Variants in SLC2A13 observed in about 807,000 individuals in gnomAD.
SLC2A13 encodes the protein proton myo-inositol cotransporter.
SLC2A13 carries 32 observed loss-of-function variants against 64.4 expected under a neutral mutation model. The ratio of observed to expected loss-of-function variants is 0.50; its 90% CI spans 0.37 to 0.67. SLC2A13 has a LOEUF of 0.67. Among genes scored for constraint, SLC2A13 ranks in the 30% least tolerant of loss-of-function variants. The pLI is 0.00. For missense variants in SLC2A13, 743 were observed against 829.2 expected (o/e 0.90, Z 1.28); for synonymous variants, 338 against 327.1 (o/e 1.03, Z -0.36).
chr12:39,813,381 C>G (rs1942247762), intron 7 of SLC2A13, among the ~76,000 whole-genome samples: 1 of 152,040 alleles, frequency 6.6e-6, no homozygotes, highest in Non-Finnish European at 1.5e-5. Flanking sequence ...CCATAACAAA[C>G]TTTCAACAAC....
chr12:40,068,963 T>C (rs1257414182), intron 1 of SLC2A13, among the ~76,000 whole-genome samples: 2 of 151,902 alleles, frequency 1.3e-5, no homozygotes, highest in East Asian at 3.9e-4. Flanking sequence ...TTGTAAGAAA[T>C]GTGGCCACTG....
chr12:39,856,989 AT>A (rs1327627983), intron 6 of SLC2A13, among the ~76,000 whole-genome samples: 2 of 152,106 alleles, frequency 1.3e-5, no homozygotes, highest in South Asian at 4.1e-4. Context: ...TGGATAGTTT[AT>A]TTCATTTGTT....
At chr12:39,770,177 T>C (rs1219758217) in intron 7 of SLC2A13, among the ~76,000 whole-genome samples, 2 of 152,096 alleles carry the variant, frequency 1.3e-5, no homozygotes, top group African/African-American at 4.8e-5. Flanking sequence ...TCTCTCATAA[T>C]CATCTCATCT....
chr12:39,895,529 TATATA>T (rs1443305807), intron 4 of SLC2A13, among the ~76,000 whole-genome samples: 1 of 94,418 alleles, frequency 1.1e-5, no homozygotes, highest in Non-Finnish European at 2.2e-5. Context: ...TATATATATA[TATATA>T]TATATATATA....
intron 4 of SLC2A13, among the ~76,000 whole-genome samples, chr12:39,935,514 G>A (rs1945903186): frequency 6.6e-6 from 1 of 152,188 alleles, no homozygotes; most frequent in Admixed American, 6.5e-5. Flanking sequence ...AAACAAAACA[G>A]TCAGTAGTAA....
rs542877678 is a variant in SLC2A13 at position 40,000,732 on chromosome 12, G to A, written c.925+27569C>T. 7.2e-5 allele frequency among the ~76,000 whole-genome samples: 11 copies of A among 152,170 alleles called. No homozygotes were observed. The South Asian group carries it at 1.7e-3, about 23-fold the overall frequency. On this transcript the variant is annotated intron_variant, in intron 3 of 9. Transcript: ENST00000280871. ...GCCTCTTCCTCTTCTTATAAGAATC[G>A]CAGTTATAGTGATTAGCGTTTACTC...
intron 3 of SLC2A13, among the ~76,000 whole-genome samples, chr12:40,027,178 TA>T (rs1458970166): frequency 3.3e-5 from 5 of 152,202 alleles, no homozygotes; most frequent in Admixed American, 6.5e-5. Context: ...TATTTTAAGA[TA>T]TTTTTTAAGG....
chr12:40,068,514 T>C (rs1424258938), intron 1 of SLC2A13: 3 of 249,810 alleles, frequency 1.2e-5, no homozygotes, highest in Non-Finnish European at 2.5e-5. Flanking sequence ...CAGGACATAC[T>C]TTCCACTTTT....
intron 1 of SLC2A13, among the ~76,000 whole-genome samples, chr12:40,083,969 A>G (rs1387185811): frequency 6.6e-6 from 1 of 152,240 alleles, no homozygotes; most frequent in African/African-American, 2.4e-5. Context: ...AACACCAGGT[A>G]TCATTCATTA....
At chr12:39,940,803 GCACCCAT>G (rs1389265813) in intron 4 of SLC2A13, among the ~76,000 whole-genome samples, 1 of 151,866 alleles carries the variant, frequency 6.6e-6, no homozygotes, top group Non-Finnish European at 1.5e-5. Flanking sequence ...AGATTTTGGT[GCACCCAT>G]CACCCAAGCA....
chr12:39,879,314 G>A (rs2135955049), intron 4 of SLC2A13, among the ~76,000 whole-genome samples: 1 of 152,294 alleles, frequency 6.6e-6, no homozygotes, highest in South Asian at 2.1e-4. Flanking sequence ...GTGAGAAATG[G>A]GCCACCATCC....
At chr12:39,875,707 T>G (rs1275447299) in intron 4 of SLC2A13, among the ~76,000 whole-genome samples, 3 of 152,176 alleles carry the variant, frequency 2.0e-5, no homozygotes, top group Non-Finnish European at 4.4e-5. Flanking sequence ...GGGCAGGACA[T>G]GATATATTTA....
intron 3 of SLC2A13, among the ~76,000 whole-genome samples, chr12:40,026,375 A>ATCTATAAAT (rs1410392896): frequency 6.6e-6 from 1 of 152,228 alleles, no homozygotes; most frequent in African/African-American, 2.4e-5. Context: ...ATCTATATCC[A>ATCTATAAAT]AGCAAAGGGG....
rs569367006 is a variant in SLC2A13, at chr12:39,948,459, G to C, written c.1034+2798C>G. Among the ~76,000 whole-genome samples the C allele has an allele frequency of 1.7e-3, 262 of 151,822 alleles. 1 individual carries two copies. Among genetic ancestry groups the C allele is most frequent in the Non-Finnish European group, 3.2e-3 (218 of 67,920 alleles). ...GTGACAGAATAGTAAATAGGTCAAG[G>C]GAATAGGAATAAAGGATTCTTTGAG... On this transcript the variant is annotated intron_variant, in intron 4 of 9. Transcript: ENST00000280871.
chr12:39,853,175 A>C (rs924830928), intron 6 of SLC2A13, among the ~76,000 whole-genome samples: 1 of 152,146 alleles, frequency 6.6e-6, no homozygotes, highest in Admixed American at 6.6e-5. Flanking sequence ...TTACGCTCAC[A>C]AAGAATGGTG....
chr12:40,065,436 C>T (rs959767799), intron 1 of SLC2A13, among the ~76,000 whole-genome samples: 9 of 149,626 alleles, frequency 6.0e-5, no homozygotes, highest in Admixed American at 5.3e-4. Flanking sequence ...AAAAAAAAAA[C>T]TAGCTGGGCA....
chr12:40,043,129 T>C (rs1458283881), intron 2 of SLC2A13, among the ~76,000 whole-genome samples: 1 of 152,134 alleles, frequency 6.6e-6, no homozygotes, highest in African/African-American at 2.4e-5. Context: ...TTTTTTTCCC[T>C]GTAGGAAATA....
At chr12:40,073,411 A>G (rs1938040625) in intron 1 of SLC2A13, among the ~76,000 whole-genome samples, 1 of 152,160 alleles carries the variant, frequency 6.6e-6, no homozygotes, top group South Asian at 2.1e-4. Context: ...AAGCACACAT[A>G]ATCAAAGGCA....
chr12:39,983,737 TA>T (rs1946965894), intron 3 of SLC2A13, among the ~76,000 whole-genome samples: 1 of 84,272 alleles, frequency 1.2e-5, no homozygotes, highest in African/African-American at 4.8e-5. Context: ...GGTGGGACTG[TA>T]AACTAGTTCA....
Sources: gnomAD v4.1 joint callset for allele counts (sites outside exome capture counted in the v4.1 genomes callset) on GRCh38, gnomAD v4.1.1 for gene constraint, MANE v1.5 for transcripts, NCBI Gene and HGNC (gene_info 2026-07-23, HGNC 2026-07-21) for gene names.